Variants in IQCM observed in about 807,000 individuals in gnomAD.
IQCM encodes IQ domain-containing protein M.
Under a neutral mutation model 57.6 loss-of-function variants are expected in IQCM, and 45 were observed. The observed-to-expected ratio is 0.78, with a 90% CI of 0.62 to 1.00. The LOEUF (loss-of-function observed/expected upper bound fraction) is 1.00. Among genes scored for constraint, IQCM ranks in the 50% least tolerant of loss-of-function variants. The pLI, the probability that IQCM is intolerant of heterozygous loss-of-function variation, is 0.00. For missense variants in IQCM, 468 were observed against 511.6 expected, an observed-to-expected ratio of 0.91 and a Z score of 0.82; for synonymous variants, 148 against 158.9, an observed-to-expected ratio of 0.93 and a Z score of 0.51.
chr4:149,593,700 A>T (rs1753455026), intron 8 of IQCM, among the ~76,000 whole-genome samples: 1 of 152,144 alleles, frequency 6.6e-6, no homozygotes. Context: ...CCTTTTCTGC[A>T]TCTACTGAGA....
At chr4:149,495,305 C>T (rs1293123146) in intron 12 of IQCM, among the ~76,000 whole-genome samples, 1 of 151,966 alleles carries the variant, frequency 6.6e-6, no homozygotes, top group Non-Finnish European at 1.5e-5. Context: ...GAATAGCTAC[C>T]ACGTAAGATA....
At chr4:149,511,311 A>C (rs1744389335) in intron 12 of IQCM, among the ~76,000 whole-genome samples, 1 of 151,902 alleles carries the variant, frequency 6.6e-6, no homozygotes, top group Non-Finnish European at 1.5e-5. Context: ...TTGAGGTCAG[A>C]AATTTGAGAC....
At chr4:149,493,907 T>C (rs1394489242) in intron 12 of IQCM, among the ~76,000 whole-genome samples, 2 of 151,960 alleles carry the variant, frequency 1.3e-5, no homozygotes, top group Non-Finnish European at 2.9e-5. Context: ...AAATCTATAT[T>C]CTGCCAAGAG....
At chr4:149,490,906 C>G (rs1742022259) in intron 12 of IQCM, among the ~76,000 whole-genome samples, 1 of 152,122 alleles carries the variant, frequency 6.6e-6, no homozygotes, top group Non-Finnish European at 1.5e-5. Context: ...CACACCCTGA[C>G]AGTAGCCTAT....
At chr4:149,699,771 C>T (rs959568233) in intron 5 of IQCM, among the ~76,000 whole-genome samples, 1 of 151,366 alleles carries the variant, frequency 6.6e-6, no homozygotes, top group African/African-American at 2.4e-5. Flanking sequence ...GAGGCACCTC[C>T]CCTTGTGCCA....
intron 3 of IQCM, among the ~76,000 whole-genome samples, chr4:149,738,925 A>G (rs1478893637): frequency 6.6e-6 from 1 of 152,196 alleles, no homozygotes; most frequent in Non-Finnish European, 1.5e-5. Flanking sequence ...ATAATTTCCA[A>G]GGACATGTAT....
chr4:149,433,722 T>C lies in IQCM; in HGVS notation c.1229-165A>G, dbSNP rs1399401699. On this transcript the variant is annotated intron_variant, in intron 12 of 13. Transcript: ENST00000636793. ...AGTTACTTTACCAAAAATCTTCTTG[T>C]TAATTCCAAGCAAAAACTAAAGAGT... Among the ~76,000 whole-genome samples, 5 of 152,112 alleles carry C rather than the reference T, an allele frequency of 3.3e-5. No homozygotes were observed. The East Asian group carries it at 7.8e-4, about 24-fold the overall frequency.
chr4:149,428,097 GT>G lies in IQCM; in HGVS notation c.1390+5298del, dbSNP rs529650910. Among the ~76,000 whole-genome samples, 321 of 151,856 alleles carry G rather than the reference GT, an allele frequency of 2.1e-3. 4 individuals are homozygous for G. Among genetic ancestry groups the G allele is most frequent in the African/African-American group, 7.4e-3 (309 of 41,488 alleles). On this transcript the variant is annotated intron_variant, in intron 13 of 13. Transcript: ENST00000636793. ...GAGCTCCTTTCAAATGATAATGTAAGTTTTTTACAGTAATCCTACAGAACAC... is the reference window on the plus strand; with the variant it reads ...GAGCTCCTTTCAAATGATAATGTAAGTTTTTACAGTAATCCTACAGAACAC...
chr4:149,418,803 T>C (rs1007432553), intron 13 of IQCM, among the ~76,000 whole-genome samples: 1 of 152,148 alleles, frequency 6.6e-6, no homozygotes, highest in African/African-American at 2.4e-5. Flanking sequence ...GGTCTCAGGA[T>C]ACAAGATGAA....
intron 2 of IQCM, among the ~76,000 whole-genome samples, chr4:149,752,670 G>A (rs1281061268): frequency 6.6e-6 from 1 of 152,122 alleles, no homozygotes; most frequent in Non-Finnish European, 1.5e-5. Flanking sequence ...ATACAGAGGG[G>A]TGATGGGACT....
At chr4:149,664,806 G>T (rs952923517) in intron 7 of IQCM, among the ~76,000 whole-genome samples, 2 of 152,162 alleles carry the variant, frequency 1.3e-5, no homozygotes, top group Non-Finnish European at 2.9e-5. Flanking sequence ...CTGTGGGTTG[G>T]TCTCTCCAGA....
Position 149,522,963 on chromosome 4 carries a change from A to G in IQCM, c.1228+25492T>C, listed in dbSNP as rs1329599581. Among the ~76,000 whole-genome samples, 10 of 152,318 alleles carry G rather than the reference A, an allele frequency of 6.6e-5. No homozygotes were observed. In the East Asian group the frequency reaches 1.9e-3, roughly 29 times the overall value. On this transcript the variant is annotated intron_variant, in intron 12 of 13. Transcript: ENST00000636793. Reference sequence around the variant, plus strand: ...GATATCTTAGTCAGCTCAGACTACTATAACAAAAATACCACAGACTGAGTG... The same window carrying G: ...GATATCTTAGTCAGCTCAGACTACTGTAACAAAAATACCACAGACTGAGTG...
In IQCM at chr4:149,406,301, G is replaced by A. The variant is rs572317424; in HGVS notation, c.1390+27095C>T. Reference sequence around the variant, plus strand: ...GTGACAAATGCTAGGGTATAGTAGTGAGCCCATAATATTGAATATTACCAC... The same window carrying A: ...GTGACAAATGCTAGGGTATAGTAGTAAGCCCATAATATTGAATATTACCAC... On this transcript the variant is annotated intron_variant, in intron 13 of 13. Transcript: ENST00000636793. Among the ~76,000 whole-genome samples the A allele has an allele frequency of 2.6e-5, 4 of 152,156 alleles. No individual in the cohort carries two copies. In the East Asian group the frequency reaches 5.8e-4, roughly 22 times the overall value.
chr4:149,419,528 CT>C (rs1733980332), intron 13 of IQCM, among the ~76,000 whole-genome samples: 2 of 152,056 alleles, frequency 1.3e-5, no homozygotes, highest in African/African-American at 4.8e-5. Context: ...AGACCCCAAA[CT>C]ATAAAAACCC....
chr4:149,794,678 A>G (rs564219830), intron 2 of IQCM, among the ~76,000 whole-genome samples: 1 of 152,306 alleles, frequency 6.6e-6, no homozygotes, highest in South Asian at 2.1e-4. Context: ...TGGTGGAGTG[A>G]TTAGAAAATA....
At chr4:149,670,741 G>T (rs1236092750) in intron 7 of IQCM, among the ~76,000 whole-genome samples, 2 of 152,082 alleles carry the variant, frequency 1.3e-5, no homozygotes, top group Non-Finnish European at 2.9e-5. Flanking sequence ...TAATGTTGTG[G>T]TTTTTGTCTT....
intron 7 of IQCM, among the ~76,000 whole-genome samples, chr4:149,637,409 T>G (rs1757824858): frequency 1.3e-5 from 2 of 152,146 alleles, no homozygotes; most frequent in South Asian, 4.1e-4. Flanking sequence ...AGATACACTA[T>G]GCTCATGGAT....
intron 9 of IQCM, among the ~76,000 whole-genome samples, chr4:149,579,854 T>C (rs565872593): frequency 1.8e-4 from 28 of 151,794 alleles, no homozygotes; most frequent in Non-Finnish European, 2.2e-4. Flanking sequence ...CCCAAGATCA[T>C]GACACTGAGA....
intron 13 of IQCM, among the ~76,000 whole-genome samples, chr4:149,419,945 G>A (rs964386482): frequency 3.9e-5 from 6 of 151,972 alleles, no homozygotes; most frequent in Admixed American, 6.6e-5. Flanking sequence ...CAATGAGATA[G>A]TATCTCACAC....
Sources: allele counts gnomAD v4.1 joint callset (sites outside exome capture counted in the v4.1 genomes callset), GRCh38; gene constraint gnomAD v4.1.1; transcripts MANE v1.5; gene names NCBI Gene and HGNC (gene_info 2026-07-23, HGNC 2026-07-21).